Variants in RYR2 observed in about 807,000 individuals in gnomAD.
The protein encoded by RYR2 is ryanodine receptor 2, also known as cardiac muscle ryanodine receptor-calcium release channel.
A neutral mutation model predicts 601.1 loss-of-function variants in RYR2; 227 were observed. The ratio of observed to expected loss-of-function variants is 0.38; its 90% CI spans 0.34 to 0.42. The LOEUF (loss-of-function observed/expected upper bound fraction) is 0.42. Among genes scored for constraint, RYR2 ranks in the 10% least tolerant of loss-of-function variants. The pLI is 1.00. For missense variants in RYR2, 4,646 were observed against 6,156.5 expected, an observed-to-expected ratio of 0.75 and a Z score of 8.21; for synonymous variants, 2,223 against 2,175.1, an observed-to-expected ratio of 1.02 and a Z score of -0.61.
At chr1:237,115,503 T>C (rs1275773899) in intron 1 of RYR2, among the ~76,000 whole-genome samples, 1 of 152,164 alleles carries the variant, frequency 6.6e-6, no homozygotes, top group Non-Finnish European at 1.5e-5. Flanking sequence ...GGCAAGTGTT[T>C]TGTGAAGCAT....
intron 1 of RYR2, among the ~76,000 whole-genome samples, chr1:237,222,285 C>T (rs558985427): frequency 7.2e-5 from 11 of 151,858 alleles, no homozygotes; most frequent in East Asian, 5.9e-4. Context: ...TGGTGGCAGG[C>T]GCCTGTAGTC....
Position 237,709,000 on chromosome 1 carries a change from G to A in RYR2, c.10044G>A (p.Met3348Ile). 2 of 1,613,698 alleles carry A rather than the reference G, an allele frequency of 1.2e-6. No individual in the cohort carries two copies. The highest frequency in any genetic ancestry group is 1.7e-6 in the Non-Finnish European group (2 of 1,179,684). ...DHLKAEARGD[M>I]SEAELLILDE... ...TGAAAGCTGAGGCCAGGGGGGACAT[G>A]TCGGAGGCAGAACTCCTCATCCTAG... Residue 3348 changes from methionine to isoleucine, a missense_variant, in exon 69 of 105, where the codon ATG becomes ATA. Around this residue, in one of 17 missense-constraint regions of RYR2, gnomAD observed 1,497 missense variants for 1,842.6 expected, o/e 0.81. Coordinates refer to ENST00000366574, the MANE Select transcript of RYR2 (RefSeq NM_001035.3).
At chr1:237,740,510 C>G (rs1691516252) in intron 79 of RYR2, among the ~76,000 whole-genome samples, 1 of 151,474 alleles carries the variant, frequency 6.6e-6, no homozygotes, top group Non-Finnish European at 1.5e-5. Flanking sequence ...ATGGATTATC[C>G]CTTTGTACAA....
At chr1:237,104,258 G>A (rs1668433072) in intron 1 of RYR2, among the ~76,000 whole-genome samples, 1 of 152,114 alleles carries the variant, frequency 6.6e-6, no homozygotes. Context: ...TTTGGTACTT[G>A]GAAGCAAGCA....
intron 1 of RYR2, among the ~76,000 whole-genome samples, chr1:237,219,335 C>T (rs759088956): frequency 2.6e-5 from 4 of 152,060 alleles, no homozygotes; most frequent in African/African-American, 4.8e-5. Flanking sequence ...TATGTTAATC[C>T]GTCCATTCAC....
chr1:237,138,523 T>C (rs915658413), intron 1 of RYR2, among the ~76,000 whole-genome samples: 2 of 152,160 alleles, frequency 1.3e-5, no homozygotes, highest in South Asian at 4.1e-4. Flanking sequence ...GAAAAATAAG[T>C]GGGAAATTTT....
chr1:237,274,443 C>A (rs1690056932), intron 2 of RYR2, among the ~76,000 whole-genome samples: 1 of 151,630 alleles, frequency 6.6e-6, no homozygotes, highest in African/African-American at 2.4e-5. Context: ...AAAGAGGTGT[C>A]TAGAACAAAG....
chr1:237,593,559 T>C lies in RYR2; in HGVS notation c.4359T>C (p.Tyr1453=), dbSNP rs1054102228. The C allele has an allele frequency of 1.1e-5, 17 of 1,613,828 alleles. No individual in the cohort carries two copies. The highest frequency in any genetic ancestry group is 1.4e-5 in the Non-Finnish European group (17 of 1,179,852). ...VGWITSDFHQ[Y]DTGFDLDRVR... ...GGATTACATCAGATTTCCATCAGTA[T>C]GACACAGGCTTTGACTTGGACAGAG... is the stretch of plus-strand genomic sequence containing the variant. The change falls in exon 33 of 105, where the codon TAT becomes TAC. Residue 1453 remains tyrosine (Y), a synonymous_variant. Coordinates refer to ENST00000366574, the MANE Select transcript of RYR2 (RefSeq NM_001035.3).
chr1:237,522,251 G>A (rs924126288), intron 24 of RYR2, among the ~76,000 whole-genome samples: 1 of 152,006 alleles, frequency 6.6e-6, no homozygotes, highest in African/African-American at 2.4e-5. Flanking sequence ...GAATTGTCTT[G>A]GGCCACACAT....
chr1:237,111,375 G>A (rs1669443724), intron 1 of RYR2, among the ~76,000 whole-genome samples: 1 of 152,118 alleles, frequency 6.6e-6, no homozygotes, highest in African/African-American at 2.4e-5. Context: ...ATCACTTGAG[G>A]TCAGGAGTTC....
intron 71 of RYR2, among the ~76,000 whole-genome samples, chr1:237,715,830 G>T (rs949160539): frequency 6.6e-6 from 1 of 152,044 alleles, no homozygotes; most frequent in African/African-American, 2.4e-5. Context: ...TAATTTTTAG[G>T]ATAGTGGTTC....
At chr1:237,802,534 C>A (rs1660096081) in intron 98 of RYR2, among the ~76,000 whole-genome samples, 1 of 152,212 alleles carries the variant, frequency 6.6e-6, no homozygotes, top group Non-Finnish European at 1.5e-5. Flanking sequence ...TATCCCTTCC[C>A]TCATCCAGCC....
chr1:237,142,276 C>T (rs940197072), intron 1 of RYR2, among the ~76,000 whole-genome samples: 1 of 152,164 alleles, frequency 6.6e-6, no homozygotes, highest in East Asian at 1.9e-4. Context: ...TTGCCAGGAG[C>T]TTGTATGAAA....
At chr1:237,593,345 A>G (rs1559081438) in intron 32 of RYR2, 131 bp from the exon 33 acceptor site, 5 of 780,176 alleles carry the variant, frequency 6.4e-6, no homozygotes. Flanking sequence ...ATTTTCATTC[A>G]CCCAAACGGT....
chr1:237,360,931 G>A (rs1404036370), intron 4 of RYR2, among the ~76,000 whole-genome samples: 1 of 152,114 alleles, frequency 6.6e-6, no homozygotes, highest in Non-Finnish European at 1.5e-5. Flanking sequence ...CCAAGCTGGA[G>A]CGTGGCTCAA....
chr1:237,550,133 T>A (rs1043865514), intron 26 of RYR2, among the ~76,000 whole-genome samples: 1 of 152,168 alleles, frequency 6.6e-6, no homozygotes, highest in African/African-American at 2.4e-5. Context: ...GAAAGCAGCC[T>A]TAAGTTCTTC....
intron 1 of RYR2, among the ~76,000 whole-genome samples, chr1:237,255,838 AGTGTGTGT>A (rs4006354): frequency 7.5e-4 from 107 of 142,958 alleles, no homozygotes; most frequent in African/African-American, 1.9e-3. Flanking sequence ...TTGCTATACC[AGTGTGTGT>A]GTGTGTGTGT....
chr1:237,442,477 A>T (rs1257318931), intron 13 of RYR2, among the ~76,000 whole-genome samples: 1 of 152,182 alleles, frequency 6.6e-6, no homozygotes, highest in Non-Finnish European at 1.5e-5. Context: ...GTATGCAGTC[A>T]GACATCCACA....
rs373225126 is a variant in RYR2 at position 237,189,885 on chromosome 1, T to A, written c.49-80612T>A. 7.1e-3 allele frequency among the ~76,000 whole-genome samples: 1,079 copies of A among 151,556 alleles called. 11 individuals carry two copies. Among genetic ancestry groups the A allele is most frequent in the South Asian group, 0.029 (141 of 4,796 alleles). On this transcript the variant is annotated intron_variant, in intron 1 of 104. Coordinates refer to ENST00000366574, the MANE Select transcript of RYR2 (RefSeq NM_001035.3). Reference sequence around the variant, plus strand: ...CTGTTTTATTTTTATTTTTATTTTTTTTTTTGAGACAGAGTTTCACTTTGT... The same window carrying A: ...CTGTTTTATTTTTATTTTTATTTTTATTTTTGAGACAGAGTTTCACTTTGT...
Sources: gnomAD v4.1 joint callset for allele counts (sites outside exome capture counted in the v4.1 genomes callset) on GRCh38, gnomAD v4.1.1 for gene constraint, gnomAD v4.1.1 regional missense constraint, MANE v1.5 for transcripts, NCBI Gene and HGNC (gene_info 2026-07-23, HGNC 2026-07-21) for gene names.